ENOX2: variants seen among roughly 807,000 people sequenced by gnomAD.
ENOX2 encodes the protein APK1 antigen.
Under a neutral mutation model 45.0 loss-of-function variants are expected in ENOX2, and 36 were observed. The observed-to-expected ratio is 0.80, with a 90% CI of 0.61 to 1.06. ENOX2 has a LOEUF of 1.06. Ranked by LOEUF, ENOX2 falls within the 50% of genes least tolerant of loss-of-function variation. The pLI, the probability that ENOX2 is intolerant of heterozygous loss-of-function variation, is 0.00. For missense variants in ENOX2, 423 were observed against 462.5 expected, an observed-to-expected ratio of 0.91 and a Z score of 0.78; for synonymous variants, 174 against 152.3, an observed-to-expected ratio of 1.14 and a Z score of -1.05.
At chrX:130,877,974 C>A (rs1360401685) in intron 2 of ENOX2, among the ~76,000 whole-genome samples, 5 of 112,143 alleles carry the variant, frequency 4.5e-5, no homozygotes, top group Non-Finnish European at 9.4e-5. Flanking sequence ...CAATGGAAAA[C>A]ATCTGCAATG....
intron 11 of ENOX2, among the ~76,000 whole-genome samples, chrX:130,636,321 A>G (rs1475676097): frequency 3.5e-5 from 4 of 112,845 alleles, no homozygotes; most frequent in Admixed American, 9.4e-5. Flanking sequence ...GGCAGAAAGA[A>G]TAACATAGGG....
chrX:130,753,905 G>A (rs1006926659), intron 3 of ENOX2, among the ~76,000 whole-genome samples: 5 of 111,182 alleles, frequency 4.5e-5, no homozygotes, highest in African/African-American at 1.3e-4. Context: ...ATATGGAAAG[G>A]GGTGGGGAGC....
In ENOX2 at chrX:130,643,989, C is replaced by A. The variant is rs756357307; in HGVS notation, c.1130-6579G>T. 7.2e-5 allele frequency among the ~76,000 whole-genome samples: 8 copies of A among 111,785 alleles called. No homozygotes were observed. In the South Asian group the frequency reaches 3.0e-3, roughly 42 times the overall value. ...GAAGAGAAATTTTACAATGTATGTTCTCAGATCACAGTGGAACTAAATTAG... is the reference window on the plus strand; with the variant it reads ...GAAGAGAAATTTTACAATGTATGTTATCAGATCACAGTGGAACTAAATTAG... On this transcript the variant is annotated intron_variant, in intron 10 of 14. Coordinates refer to ENST00000394363, the MANE Select transcript of ENOX2 (RefSeq NM_006375.4).
intron 3 of ENOX2, among the ~76,000 whole-genome samples, chrX:130,718,997 C>T (rs1000166531): frequency 1.8e-5 from 2 of 112,158 alleles, no homozygotes; most frequent in African/African-American, 6.5e-5. Flanking sequence ...ATGTGCTCAT[C>T]ACCTGATCAG....
chrX:130,668,713 C>G (rs1036794309), intron 7 of ENOX2, among the ~76,000 whole-genome samples: 2 of 112,214 alleles, frequency 1.8e-5, no homozygotes, highest in Non-Finnish European at 3.8e-5. Flanking sequence ...GTTTGAACTT[C>G]TTGCCTCTTG....
At chrX:130,830,155 T>C (rs1322960691) in intron 2 of ENOX2, among the ~76,000 whole-genome samples, 1 of 111,095 alleles carries the variant, frequency 9.0e-6, no homozygotes, top group East Asian at 2.8e-4. Flanking sequence ...AAAATGTGAG[T>C]TGAATTCAAT....
chrX:130,733,936 T>G (rs187070530), intron 3 of ENOX2, among the ~76,000 whole-genome samples: 17 of 112,388 alleles, frequency 1.5e-4, no homozygotes, highest in African/African-American at 5.2e-4. Flanking sequence ...TACAACTGCA[T>G]GTGAATCTTC....
chrX:130,641,764 T>TC (rs1468102849), intron 10 of ENOX2, among the ~76,000 whole-genome samples: 66 of 106,120 alleles, frequency 6.2e-4, no homozygotes, highest in Non-Finnish European at 1.4e-4. Flanking sequence ...CTAAATCTAC[T>TC]CTTCCTGTGC....
At chrX:130,723,584 T>C (rs1262243766) in intron 3 of ENOX2, among the ~76,000 whole-genome samples, 1 of 112,525 alleles carries the variant, frequency 8.9e-6, no homozygotes, top group African/African-American at 3.2e-5. Context: ...CCAGCAATGA[T>C]CTGTTCTGCA....
At position 130,663,700 on chromosome X, in the gene ENOX2, C is replaced by T. The variant is rs192669969; in HGVS notation, c.1014+1943G>A. Among the ~76,000 whole-genome samples, 9 of 111,147 alleles carry T rather than the reference C, an allele frequency of 8.1e-5. No homozygotes were observed. In the Admixed American group the frequency reaches 8.6e-4, roughly 11 times the overall value. On this transcript the variant is annotated intron_variant, in intron 9 of 14. Coordinates refer to ENST00000394363, the MANE Select transcript of ENOX2 (RefSeq NM_006375.4). ...AGAGGAGTTAGAAGTGTACGTGTAT[C>T]AAAGGGAAGGTAGAAACTTAATGCC...
At chrX:130,716,720 A>G (rs1252587387) in intron 3 of ENOX2, among the ~76,000 whole-genome samples, 1 of 112,460 alleles carries the variant, frequency 8.9e-6, no homozygotes, top group Admixed American at 9.4e-5. Context: ...GACAGTATTA[A>G]TAATAGTGCC....
rs751578682 is a variant in ENOX2 at position 130,656,591 on chromosome X, A to C, written c.1119T>G (p.Thr373=). ...EIEEMTETKE[T]EESALVSQAE... ...CAGAATTATCTTTACCTGATTCCTC[A>C]GTTTCTTTTGTTTCTGTCATTTCTT... The change falls in exon 10 of 15, where the codon ACT becomes ACG. Residue 373 remains threonine, a synonymous_variant. Coordinates refer to ENST00000394363, the MANE Select transcript of ENOX2 (RefSeq NM_006375.4). The C allele has an allele frequency of 8.4e-5, 91 of 1,088,890 alleles. 3 individuals carry two copies. In the Admixed American group the frequency reaches 1.5e-3, roughly 18 times the overall value. The allele number at this position is 1,088,890 out of a possible 1,213,427, so 89.7% of individuals were successfully genotyped here.
chrX:130,824,442 T>C (rs1031986384), intron 2 of ENOX2, among the ~76,000 whole-genome samples: 2 of 111,945 alleles, frequency 1.8e-5, no homozygotes, highest in African/African-American at 6.5e-5. Context: ...ATCAATATAA[T>C]CTGGTGTCTT....
At chrX:130,846,938 A>G (rs1011796438) in intron 2 of ENOX2, among the ~76,000 whole-genome samples, 1 of 112,488 alleles carries the variant, frequency 8.9e-6, no homozygotes, top group Admixed American at 9.4e-5. Flanking sequence ...GAGGAAGTAG[A>G]GTTTTTCCCA....
At chrX:130,720,115 G>C (rs1375906797) in intron 3 of ENOX2, among the ~76,000 whole-genome samples, 1 of 112,267 alleles carries the variant, frequency 8.9e-6, no homozygotes, top group Admixed American at 9.4e-5. Context: ...ATCAATCTGA[G>C]TACTAACGAT....
chrX:130,627,929 T>C, intron 14 of ENOX2, 29 bp downstream of exon 14: 1 of 1,074,762 alleles, frequency 9.3e-7, no homozygotes. Context: ...CCACATCCCC[T>C]TGCATCCCCA....
intron 3 of ENOX2, among the ~76,000 whole-genome samples, chrX:130,778,754 C>T (rs1220727590): frequency 3.6e-5 from 4 of 112,095 alleles, no homozygotes; most frequent in African/African-American, 1.3e-4. Flanking sequence ...CTGAGTCATT[C>T]GTTATTCACA....
intron 2 of ENOX2, among the ~76,000 whole-genome samples, chrX:130,895,999 A>G (rs2079055022): frequency 8.9e-6 from 1 of 112,806 alleles, no homozygotes; most frequent in Non-Finnish European, 1.9e-5. Flanking sequence ...CTTTCTGACT[A>G]AACTGAGGTG....
At chrX:130,837,067 T>C (rs752816253) in intron 2 of ENOX2, among the ~76,000 whole-genome samples, 7 of 112,306 alleles carry the variant, frequency 6.2e-5, no homozygotes, top group African/African-American at 1.9e-4. Context: ...AGGTTGATAC[T>C]AGGAATTATT....
Sources: gnomAD v4.1 joint callset for allele counts (sites outside exome capture counted in the v4.1 genomes callset) on GRCh38, gnomAD v4.1.1 for gene constraint, MANE v1.5 for transcripts, NCBI Gene and HGNC (gene_info 2026-07-23, HGNC 2026-07-21) for gene names.